Variants in STMND1 observed in about 807,000 individuals in gnomAD.
The protein encoded by STMND1 is stathmin domain containing 1.
In STMND1, 17 loss-of-function variants were observed where a neutral mutation model predicts 23.0. The ratio of observed to expected loss-of-function variants is 0.74; its 90% CI spans 0.51 to 1.11. The LOEUF (loss-of-function observed/expected upper bound fraction) is 1.11. STMND1 is among the 50% of genes least tolerant of loss of function. The probability of loss-of-function intolerance (pLI) is 0.00; values close to 1 mark genes in which losing one functional copy is unlikely to be tolerated. For missense variants in STMND1, 305 were observed against 329.1 expected, an observed-to-expected ratio of 0.93 and a Z score of 0.57; for synonymous variants, 114 against 119.9, an observed-to-expected ratio of 0.95 and a Z score of 0.32.
chr6:17,108,309 C>T (rs543301967), intron 1 of STMND1, among the ~76,000 whole-genome samples: 3 of 151,164 alleles, frequency 2.0e-5, no homozygotes, highest in Admixed American at 6.6e-5. Flanking sequence ...GAAAAGCCAT[C>T]GTTTAGACTG....
At chr6:17,117,811 G>C (rs1266523009) in intron 2 of STMND1, among the ~76,000 whole-genome samples, 1 of 149,776 alleles carries the variant, frequency 6.7e-6, no homozygotes, top group African/African-American at 2.5e-5. Flanking sequence ...CTCTCGACTA[G>C]CTGGGATTAC....
chr6:17,103,552 T>C (rs892391009), intron 1 of STMND1, among the ~76,000 whole-genome samples: 4 of 147,578 alleles, frequency 2.7e-5, no homozygotes, highest in African/African-American at 1.0e-4. Context: ...TGTCTCTGTA[T>C]AGGGACCCAT....
At chr6:17,115,765 A>C (rs1054918512) in intron 2 of STMND1, among the ~76,000 whole-genome samples, 3 of 152,200 alleles carry the variant, frequency 2.0e-5, no homozygotes, top group African/African-American at 7.2e-5. Flanking sequence ...ACAGCCCTCA[A>C]GGAAAAGTAC....
intron 2 of STMND1, among the ~76,000 whole-genome samples, chr6:17,119,194 T>A (rs1395551355): frequency 6.6e-6 from 1 of 152,094 alleles, no homozygotes; most frequent in Non-Finnish European, 1.5e-5. Flanking sequence ...TACAAACACT[T>A]GCAAGAGTAG....
At chr6:17,120,304 C>A (rs1436456729) in intron 2 of STMND1, among the ~76,000 whole-genome samples, 1 of 152,118 alleles carries the variant, frequency 6.6e-6, no homozygotes, top group Non-Finnish European at 1.5e-5. Flanking sequence ...CGTTGTCGTA[C>A]CCAAGTGTAT....
In STMND1 at chr6:17,102,250, C is replaced by T; in HGVS notation, c.-8C>T. 1 of 1,525,214 alleles carries T rather than the reference C, an allele frequency of 6.6e-7. No homozygotes were observed. Among genetic ancestry groups the T allele is most frequent in the East Asian group, 2.5e-5 (1 of 39,418 alleles). The allele number at this position is 1,525,214 out of a possible 1,614,324, so 94.5% of individuals were successfully genotyped here. ...CAAGCCCGCGGAGGAGGAGCGCGCG[C>T]GCGCAGCATGGGCTGTGGACCTTCC... is the stretch of plus-strand genomic sequence containing the variant. On this transcript the variant is annotated 5_prime_UTR_variant, in exon 1 of 5. Coordinates refer to ENST00000536551, the MANE Select transcript of STMND1 (RefSeq NM_001190766.2).
At chr6:17,105,991 G>T (rs1036298305) in intron 1 of STMND1, among the ~76,000 whole-genome samples, 31 of 151,236 alleles carry the variant, frequency 2.0e-4, no homozygotes, top group Non-Finnish European at 4.0e-4. Context: ...TCCTGGAGCT[G>T]ACCTCTGCTA....
chr6:17,127,659 T>C (rs1293583914), intron 3 of STMND1, among the ~76,000 whole-genome samples: 1 of 152,230 alleles, frequency 6.6e-6, no homozygotes, highest in Non-Finnish European at 1.5e-5. Flanking sequence ...CTAAACTGCC[T>C]CTCTTTGATT....
At position 17,130,707 on chromosome 6, in the gene STMND1, T is replaced by C. The variant is rs1164839457; in HGVS notation, c.657T>C (p.Leu219=). Residue 219 remains leucine, a synonymous_variant, in exon 5 of 5, where the codon CTT becomes CTC. Transcript: ENST00000536551. ...CCGAGGTTGCATTTGCCAAAGGACT[T>C]CAAAGGGTGAGGTCTGCTGGATTTG... ...DGAEVAFAKG[L]QRVRSAGFEP... 26 of 1,535,914 alleles carry C rather than the reference T, an allele frequency of 1.7e-5. No individual in the cohort carries two copies. The highest frequency in any genetic ancestry group is 2.2e-5 in the Non-Finnish European group (25 of 1,146,894).
intron 3 of STMND1, 146 bp from the exon 4 acceptor site, chr6:17,128,966 G>A: frequency 1.4e-6 from 1 of 719,678 alleles, no homozygotes; most frequent in South Asian, 2.1e-5. Context: ...TCCCACCTTG[G>A]CCTCCCAAAG....
At chr6:17,122,478 T>C (rs1459202807) in intron 3 of STMND1, among the ~76,000 whole-genome samples, 1 of 152,142 alleles carries the variant, frequency 6.6e-6, no homozygotes, top group African/African-American at 2.4e-5. Flanking sequence ...AAACAGTCCA[T>C]TCGGAATTAA....
intron 1 of STMND1, chr6:17,110,815 G>A (rs1447376261): frequency 8.8e-6 from 4 of 455,888 alleles, no homozygotes; most frequent in South Asian, 3.1e-5. Context: ...AGACATTACC[G>A]AGTGGAAGAT....
intron 3 of STMND1, 28 bp from the exon 4 acceptor site, chr6:17,129,084 C>T (rs1202161500): frequency 6.5e-7 from 1 of 1,531,666 alleles, no homozygotes; most frequent in East Asian, 2.5e-5. Flanking sequence ...ATGATTGTTT[C>T]TTCATGTAAA....
At chr6:17,118,395 C>A (rs72831854) in intron 2 of STMND1, among the ~76,000 whole-genome samples, 1 of 151,708 alleles carries the variant, frequency 6.6e-6, no homozygotes, top group Non-Finnish European at 1.5e-5. Flanking sequence ...TTTTTTTAAT[C>A]TTTTACTAGT....
intron 3 of STMND1, among the ~76,000 whole-genome samples, chr6:17,127,522 C>A (rs891114183): frequency 2.0e-5 from 3 of 152,148 alleles, no homozygotes; most frequent in African/African-American, 7.2e-5. Flanking sequence ...TGCACTCCAG[C>A]CTGGGTGACA....
At chr6:17,115,372 T>TAAAAAAAAAA (rs75171969) in intron 2 of STMND1, among the ~76,000 whole-genome samples, 15 of 116,084 alleles carry the variant, frequency 1.3e-4, no homozygotes, top group Admixed American at 1.8e-4. Context: ...GGACCATCTT[T>TAAAAAAAAAA]AAAAAAAAAA....
At chr6:17,103,566 CTTTTTT>C (rs68161737) in intron 1 of STMND1, among the ~76,000 whole-genome samples, 3 of 82,102 alleles carry the variant, frequency 3.7e-5, no homozygotes, top group African/African-American at 1.5e-4. Flanking sequence ...GACCCATTAC[CTTTTTT>C]TTTTTTTTTT....
chr6:17,129,491 C>T (rs1214939484), intron 4 of STMND1, among the ~76,000 whole-genome samples: 4 of 150,468 alleles, frequency 2.7e-5, no homozygotes, highest in South Asian at 2.1e-4. Flanking sequence ...CCTGTCTCCG[C>T]CTCCTGAGTA....
chr6:17,126,677 C>A (rs566511981), intron 3 of STMND1, among the ~76,000 whole-genome samples: 3 of 152,110 alleles, frequency 2.0e-5, no homozygotes, highest in Non-Finnish European at 4.4e-5. Flanking sequence ...AACTTAGGAG[C>A]CAATTGTCAT....
Sources: gnomAD v4.1 joint callset for allele counts (sites outside exome capture counted in the v4.1 genomes callset) on GRCh38, gnomAD v4.1.1 for gene constraint, MANE v1.5 for transcripts, NCBI Gene and HGNC (gene_info 2026-07-23, HGNC 2026-07-21) for gene names.